The following DENND1A variants were observed in gnomAD, a reference collection of about 807,000 sequenced individuals.
The protein encoded by DENND1A is DENN domain-containing protein 1A.
Under a neutral mutation model 113.7 loss-of-function variants are expected in DENND1A, and 51 were observed. The ratio of observed to expected loss-of-function variants is 0.45; its 90% CI spans 0.36 to 0.57. The LOEUF (loss-of-function observed/expected upper bound fraction) is 0.57. DENND1A is among the 20% of genes least tolerant of loss of function. The pLI, the probability that DENND1A is intolerant of heterozygous loss-of-function variation, is 0.00. For synonymous variants in DENND1A, 565 were observed against 570.8 expected (o/e 0.99, Z 0.14); for missense variants, 1,258 against 1,395.9 (o/e 0.90, Z 1.57).
chr9:123,641,964 C>T (rs2139086161), intron 9 of DENND1A, among the ~76,000 whole-genome samples: 5 of 152,272 alleles, frequency 3.3e-5, no homozygotes, highest in Admixed American at 3.3e-4. Context: ...GAATCACTGA[C>T]AATCTGAATC....
At chr9:123,853,586 C>T (rs1172118360) in intron 2 of DENND1A, among the ~76,000 whole-genome samples, 1 of 152,038 alleles carries the variant, frequency 6.6e-6, no homozygotes, top group South Asian at 2.1e-4. Flanking sequence ...ATCACTTGAA[C>T]CTGGGAGACA....
intron 5 of DENND1A, among the ~76,000 whole-genome samples, chr9:123,754,034 T>C (rs188326796): frequency 6.6e-6 from 1 of 152,280 alleles, no homozygotes; most frequent in Admixed American, 6.5e-5. Context: ...ACAGATGCCA[T>C]AACTGAGAGC....
At chr9:123,690,150 G>C (rs1436110362) in intron 5 of DENND1A, among the ~76,000 whole-genome samples, 2 of 131,632 alleles carry the variant, frequency 1.5e-5, no homozygotes, top group East Asian at 5.0e-4. Context: ...AGGAGGGAGG[G>C]AGGGAGGGAG....
intron 10 of DENND1A, among the ~76,000 whole-genome samples, chr9:123,623,678 ATT>A (rs1306678984): frequency 1.3e-5 from 2 of 152,254 alleles, no homozygotes; most frequent in African/African-American, 2.4e-5. Context: ...TGTATGTCGT[ATT>A]TGTGAATGCG....
intron 16 of DENND1A, 100 bp downstream of exon 16, chr9:123,454,639 A>G (rs2047978612): frequency 7.5e-6 from 9 of 1,200,278 alleles, no homozygotes; most frequent in Non-Finnish European, 1.1e-5. Context: ...AGCAGAGAGA[A>G]TGGAGTGCTC....
intron 2 of DENND1A, among the ~76,000 whole-genome samples, chr9:123,849,075 G>A (rs12000966): frequency 0.012 from 1,781 of 152,282 alleles, 36 homozygotes; most frequent in African/African-American, 0.041. Context: ...TTATCCAGAA[G>A]TTCAAGCTAA....
chr9:123,618,003 A>G (rs887401427), intron 10 of DENND1A, among the ~76,000 whole-genome samples: 1 of 152,254 alleles, frequency 6.6e-6, no homozygotes, highest in Non-Finnish European at 1.5e-5. Flanking sequence ...GACTCATCCC[A>G]TGTGCCAAGA....
intron 13 of DENND1A, among the ~76,000 whole-genome samples, chr9:123,465,254 T>C (rs62579167): frequency 0.12 from 17,788 of 147,274 alleles, 1,512 homozygotes; most frequent in Non-Finnish European, 0.19. Flanking sequence ...AGGGAGCAAA[T>C]AACAACAGTA....
rs183703018 is a variant in DENND1A, at chr9:123,794,246, C to T, written c.89-1616G>A. Among the ~76,000 whole-genome samples the T allele has an allele frequency of 7.9e-5, 12 of 152,274 alleles. No homozygotes were observed. In the East Asian group the frequency reaches 2.1e-3, roughly 27 times the overall value. On this transcript the variant is annotated intron_variant, in intron 2 of 23. Coordinates refer to ENST00000394215, the MANE Select transcript of DENND1A (RefSeq NM_001352964.2). ...AAGGGGCAGCCTGTTGCCCAAGAATCCTCTACCAGTGTACAGTGAGGGGAA... is the reference window on the plus strand; with the variant it reads ...AAGGGGCAGCCTGTTGCCCAAGAATTCTCTACCAGTGTACAGTGAGGGGAA...
intron 13 of DENND1A, among the ~76,000 whole-genome samples, chr9:123,471,501 C>T (rs903141896): frequency 2.0e-5 from 3 of 152,186 alleles, no homozygotes; most frequent in Admixed American, 1.3e-4. Context: ...ATGTGACACG[C>T]GCTACCTGTG....
At chr9:123,836,349 AG>A (rs1245835228) in intron 2 of DENND1A, among the ~76,000 whole-genome samples, 1 of 152,202 alleles carries the variant, frequency 6.6e-6, no homozygotes, top group African/African-American at 2.4e-5. Flanking sequence ...GAAGGAAATC[AG>A]GGAGTTCACA....
Position 123,454,750 on chromosome 9 carries a change from A to C in DENND1A, c.1216T>G (p.Ser406Ala), listed in dbSNP as rs376066923. The C allele has an allele frequency of 4.5e-6, 7 of 1,554,796 alleles. No individual in the cohort carries two copies. Among genetic ancestry groups the C allele is most frequent in the Non-Finnish European group, 6.1e-6 (7 of 1,148,410 alleles). The change falls in exon 16 of 24, where the codon TCC becomes GCC. Residue 406 changes from serine (S) to alanine (A), a missense_variant. By Grantham distance (99) the Ser-to-Ala change is moderately conservative (BLOSUM62 1). Transcript: ENST00000394215. The stretch of plus-strand genomic sequence containing the variant: ...GGGTGCATGCTTACCCGGACAGTGG[A>C]GAGCCACTGATGGTACAGTTTGTCA... ...GSDKLYHQWL[S>A]TVRKGSGAIL...
At chr9:123,885,340 T>C (rs774899919) in intron 1 of DENND1A, among the ~76,000 whole-genome samples, 13 of 152,228 alleles carry the variant, frequency 8.5e-5, no homozygotes, top group Non-Finnish European at 1.5e-4. Context: ...TCTTCCCCAC[T>C]AGACTGGCAG....
chr9:123,390,876 T>C (rs1209681912), intron 21 of DENND1A, among the ~76,000 whole-genome samples: 3 of 152,194 alleles, frequency 2.0e-5, no homozygotes, highest in Non-Finnish European at 4.4e-5. Context: ...CCGACACCTA[T>C]CCAAGCACGG....
intron 2 of DENND1A, among the ~76,000 whole-genome samples, chr9:123,837,387 A>G (rs1298902037): frequency 6.6e-6 from 1 of 152,194 alleles, no homozygotes; most frequent in Non-Finnish European, 1.5e-5. Flanking sequence ...ACACAACTTC[A>G]AAATAGTCCT....
intron 1 of DENND1A, among the ~76,000 whole-genome samples, chr9:123,921,982 C>T (rs559186613): frequency 9.8e-4 from 148 of 150,922 alleles, no homozygotes; most frequent in African/African-American, 3.5e-3. Flanking sequence ...AATGCAGTGG[C>T]GTGATCTTGA....
intron 2 of DENND1A, among the ~76,000 whole-genome samples, chr9:123,837,854 A>G (rs1290342734): frequency 6.6e-6 from 1 of 152,240 alleles, no homozygotes; most frequent in African/African-American, 2.4e-5. Flanking sequence ...TTTCTACACT[A>G]TTCTGACACT....
intron 5 of DENND1A, among the ~76,000 whole-genome samples, chr9:123,680,115 G>A (rs1205350125): frequency 7.2e-5 from 11 of 152,254 alleles, no homozygotes; most frequent in South Asian, 2.1e-4. Flanking sequence ...TTAGGCTTTC[G>A]GACTGATGTA....
intron 13 of DENND1A, among the ~76,000 whole-genome samples, chr9:123,525,502 C>A (rs1171621480): frequency 6.6e-6 from 1 of 152,176 alleles, no homozygotes; most frequent in Non-Finnish European, 1.5e-5. Flanking sequence ...ATAAATGCCA[C>A]AAGCCAGAAG....
Sources: allele counts gnomAD v4.1 joint callset (sites outside exome capture counted in the v4.1 genomes callset), GRCh38; gene constraint gnomAD v4.1.1; transcripts MANE v1.5; gene names NCBI Gene and HGNC (gene_info 2026-07-23, HGNC 2026-07-21).